ZNF83: variants seen among roughly 807,000 people sequenced by gnomAD.
ZNF83 encodes the protein zinc finger protein 83.
For missense variants in ZNF83, 552 were observed against 629.9 expected (o/e 0.88, Z 1.32); for synonymous variants, 209 against 213.0 (o/e 0.98, Z 0.17).
rs965251615 is a variant in ZNF83 at position 52,684,450 on chromosome 19, G to A, written c.-283+5993C>T. ...TATAATCCCAGCTACTTGGGAGGCTGAGGCACAAGAATCACTTGAAGCTAG... is the reference window on the plus strand; with the variant it reads ...TATAATCCCAGCTACTTGGGAGGCTAAGGCACAAGAATCACTTGAAGCTAG... On this transcript the variant is annotated intron_variant, in intron 1 of 5. Coordinates refer to the ZNF83 transcript ENST00000594682. Among the ~76,000 whole-genome samples the A allele has an allele frequency of 2.0e-5, 3 of 151,768 alleles. No individual in the cohort carries two copies. The East Asian group carries it at 5.8e-4, about 29-fold the overall frequency.
At position 52,654,377 on chromosome 19, in the gene ZNF83, A is replaced by G. The variant is rs112043841; in HGVS notation, c.-74+1184T>C. 3 of 1,188,970 alleles carry G rather than the reference A, an allele frequency of 2.5e-6. No individual in the cohort carries two copies. The African/African-American group carries it at 4.6e-5, about 18-fold the overall frequency. 73.7% of individuals were successfully genotyped at this position (1,188,970 alleles called of 1,614,324 possible). Reference sequence around the variant, plus strand: ...GTATTACCGTGCCCTGTTGATGAGAACTCCGTCATGGATTTTAAAGAGCTA... The same window carrying G: ...GTATTACCGTGCCCTGTTGATGAGAGCTCCGTCATGGATTTTAAAGAGCTA... On this transcript the variant is annotated intron_variant, in intron 3 of 5. Coordinates refer to the ZNF83 transcript ENST00000594682.
chr19:52,652,499 T>C (rs2061454768), intron 3 of ZNF83: 1 of 447,632 alleles, frequency 2.2e-6, no homozygotes, highest in African/African-American at 2.0e-5. Flanking sequence ...ATATGAATTC[T>C]CCTGTGTTTT....
Position 52,615,976 on chromosome 19 carries a change from T to G in ZNF83, c.-233-1179A>C, listed in dbSNP as rs961269542. On this transcript the variant is annotated intron_variant, in intron 2 of 2. Coordinates refer to ENST00000301096, the Ensembl canonical transcript of ZNF83. ...GCCTCAGCCTCCTGAGTAGCTGGGA[T>G]TACAGGCGACTGCCACCATGCCCAG... Among the ~76,000 whole-genome samples, 4 of 152,152 alleles carry G rather than the reference T, an allele frequency of 2.6e-5. No individual in the cohort carries two copies. In the South Asian group the frequency reaches 6.2e-4, roughly 24 times the overall value.
upstream of ZNF83, among the ~76,000 whole-genome samples, chr19:52,642,969 C>G (rs2061327367): frequency 6.6e-6 from 1 of 152,056 alleles, no homozygotes; most frequent in South Asian, 2.1e-4. Context: ...CCAGCCTGGC[C>G]AACATGGTGA....
At chr19:52,641,075 A>C (rs2061298084), upstream of ZNF83, among the ~76,000 whole-genome samples, 5 of 142,546 alleles carry the variant, frequency 3.5e-5, no homozygotes, top group South Asian at 4.9e-4. Flanking sequence ...CCCCCTCCAG[A>C]CCCCGCCCCC....
At position 52,689,822 on chromosome 19, in the gene ZNF83, A is replaced by G. The variant is rs536230911; in HGVS notation, c.-283+621T>C. 1.2e-4 allele frequency among the ~76,000 whole-genome samples: 18 copies of G among 152,182 alleles called. No homozygotes were observed. The South Asian group carries it at 1.2e-3, about 10-fold the overall frequency. ...TTGGAGTAAGACGCCTGCATCCCGG[A>G]GGAGCTTATTTTCCAGGGGCTGGAA... On this transcript the variant is annotated intron_variant, in intron 1 of 5. Transcript: ENST00000594682.
chr19:52,613,866 G>T lies in ZNF83; in HGVS notation c.699C>A (p.Tyr233Ter). ...ACACCTTGCCACATTTGTTACATTC[G>T]TAAGGTTTTTCTCCAGTATGAATTG... The change falls in exon 3 of 3, where the codon TAC becomes TAA. Residue 233 changes from tyrosine (Y) to a stop codon, truncating the protein, a stop_gained. Transcript: ENST00000301096. LOFTEE classifies it low-confidence loss of function (END_TRUNC). 6.2e-7 allele frequency: 1 copy of T among 1,614,032 alleles called. No homozygotes were observed. Among genetic ancestry groups the T allele is most frequent in the African/African-American group, 1.3e-5 (1 of 75,006 alleles).
chr19:52,650,575 A>G (rs969929927), intron 3 of ZNF83: 2 of 152,156 alleles, frequency 1.3e-5, no homozygotes, highest in Non-Finnish European at 2.9e-5. Flanking sequence ...TACTTTTCTA[A>G]TAGACTCAGG....
intron 2 of ZNF83, among the ~76,000 whole-genome samples, chr19:52,629,567 G>A (rs181604257): frequency 4.0e-4 from 61 of 152,034 alleles, no homozygotes; most frequent in Non-Finnish European, 7.1e-4. Context: ...GTTTTGTTCC[G>A]TGACTAGCCC....
chr19:52,650,632 TTATTAGAAGA>T (rs1383524997), intron 3 of ZNF83: 5 of 152,140 alleles, frequency 3.3e-5, no homozygotes, highest in Admixed American at 3.3e-4. Context: ...TATAAATTGT[TTATTAGAAGA>T]ACTTCAAGTT....
chr19:52,654,310 C>G, intron 3 of ZNF83: 1 of 1,488,608 alleles, frequency 6.7e-7, no homozygotes, highest in Non-Finnish European at 9.3e-7. Context: ...AATGTGATGA[C>G]TTTTATGTCT....
chr19:52,622,497 G>A (rs80017219), intron 2 of ZNF83, among the ~76,000 whole-genome samples: 3,005 of 152,218 alleles, frequency 0.02, 121 homozygotes, highest in East Asian at 0.066. Flanking sequence ...AGGCATCTGG[G>A]TAGTTCCCCA....
intron 2 of ZNF83, among the ~76,000 whole-genome samples, chr19:52,656,667 A>C (rs1340290390): frequency 5.3e-5 from 8 of 152,138 alleles, no homozygotes; most frequent in Non-Finnish European, 1.0e-4. Flanking sequence ...AGAGATTAAG[A>C]CAAGCTGGGC....
chr19:52,613,198 G>T (rs773723200), exon 3 of ZNF83: 1 of 1,614,040 alleles, frequency 6.2e-7, no homozygotes, highest in Non-Finnish European at 8.5e-7. Flanking sequence ...ACATTTGAAA[G>T]GTTTCTCTCC....
At chr19:52,618,616 C>T (rs772730268) in intron 2 of ZNF83, 46 of 336,346 alleles carry the variant, frequency 1.4e-4, no homozygotes, top group African/African-American at 2.8e-4. Flanking sequence ...AGGCTAGTAT[C>T]GAACTCCTGA....
chr19:52,678,848 G>T (rs2061861374), intron 1 of ZNF83, among the ~76,000 whole-genome samples: 2 of 151,978 alleles, frequency 1.3e-5, no homozygotes, highest in East Asian at 1.9e-4. Flanking sequence ...GGTGGTACAT[G>T]CCTGTAATCC....
At chr19:52,613,951 T>C (rs1600124531) in exon 3 of ZNF83, 1 of 1,613,544 alleles carries the variant, frequency 6.2e-7, no homozygotes, top group Non-Finnish European at 8.5e-7. Flanking sequence ...ATTACATTTA[T>C]AAGGTTTCTC....
At chr19:52,661,475 T>C (rs2061579434) in intron 1 of ZNF83, among the ~76,000 whole-genome samples, 1 of 152,168 alleles carries the variant, frequency 6.6e-6, no homozygotes, top group African/African-American at 2.4e-5. Flanking sequence ...CAGTTCTCAA[T>C]ATGGGGGAAA....
chr19:52,631,308 G>A (rs2060950145), intron 2 of ZNF83, among the ~76,000 whole-genome samples: 2 of 151,952 alleles, frequency 1.3e-5, no homozygotes, highest in South Asian at 2.1e-4. Flanking sequence ...TTCCTTCCTA[G>A]GCATAGTTAG....
Sources: gnomAD v4.1 joint callset for allele counts (sites outside exome capture counted in the v4.1 genomes callset) on GRCh38, gnomAD v4.1.1 for gene constraint, MANE v1.5 for transcripts, NCBI Gene and HGNC (gene_info 2026-07-23, HGNC 2026-07-21) for gene names.